The following RSPRY1 variants were observed in gnomAD, a reference collection of about 807,000 sequenced individuals.
The protein encoded by RSPRY1 is ring finger and SPRY domain containing 1.
In RSPRY1, 23 loss-of-function variants were observed where a neutral mutation model predicts 73.1. The observed-to-expected ratio is 0.31, with a 90% confidence interval of 0.23 to 0.45. The LOEUF is 0.45. RSPRY1 is among the 20% of genes least tolerant of loss of function. The pLI is 1.00. For missense variants in RSPRY1, 448 were observed against 698.7 expected, an observed-to-expected ratio of 0.64 and a Z score of 4.05; for synonymous variants, 226 against 251.4, an observed-to-expected ratio of 0.90 and a Z score of 0.95.
rs140339084 is a variant in RSPRY1, at chr16:57,190,361, T to C, written c.-156+3910T>C. On this transcript the variant is annotated intron_variant, in intron 1 of 14. Transcript: ENST00000394420. Reference sequence around the variant, plus strand: ...TGACAGAGCAACACCCTGTCTCAAATAAATAAATAGGAAATGTTCTGTATT... The same window carrying C: ...TGACAGAGCAACACCCTGTCTCAAACAAATAAATAGGAAATGTTCTGTATT... Among the ~76,000 whole-genome samples, 48 of 152,230 alleles carry C rather than the reference T, an allele frequency of 3.2e-4. No homozygotes were observed. In the East Asian group the frequency reaches 8.7e-3, roughly 28 times the overall value.
chr16:57,215,439 G>A (rs2074921903), intron 6 of RSPRY1, among the ~76,000 whole-genome samples: 1 of 152,208 alleles, frequency 6.6e-6, no homozygotes. Context: ...ATCATCTGAT[G>A]TTCTGGAGCT....
intron 14 of RSPRY1, among the ~76,000 whole-genome samples, chr16:57,238,362 G>A (rs1172144315): frequency 6.6e-6 from 1 of 152,170 alleles, no homozygotes; most frequent in Non-Finnish European, 1.5e-5. Context: ...AAGTTAGGGA[G>A]ATGACAACCA....
At position 57,230,556 on chromosome 16, in the gene RSPRY1, G is replaced by T. The variant is rs147170415; in HGVS notation, c.1274-155G>T. On this transcript the variant is annotated intron_variant, in intron 11 of 14. Transcript: ENST00000394420. ...TACATTAAAATATTGGTGTATAGGG[G>T]TCAGATCAGTTACAGAAGAAACAAA... 2.6e-3 allele frequency among the ~76,000 whole-genome samples: 397 copies of T among 152,240 alleles called. 2 individuals are homozygous for T. Among genetic ancestry groups the T allele is most frequent in the African/African-American group, 8.9e-3 (368 of 41,514 alleles).
Position 57,213,078 on chromosome 16 carries a change from G to C in RSPRY1, c.623G>C (p.Cys208Ser), listed in dbSNP as rs1168460250. 6.2e-7 allele frequency: 1 copy of C among 1,612,032 alleles called. No individual in the cohort carries two copies. The change falls in exon 5 of 15, where the codon TGC (cysteine) becomes TCC (serine). Residue 208 changes from cysteine to serine, a missense_variant. By Grantham distance (112) the Cys-to-Ser change is moderately radical. Transcript: ENST00000394420. ...KHRNTSAVLG[C>S]LAEKLAGPAS... ...AGGAACACATCTGCAGTCCTAGGCT[G>C]CTTGGCCGAGAAACTAGCAGGTAAC... is the stretch of plus-strand genomic sequence containing the variant.
chr16:57,187,227 G>A (rs747484457), intron 1 of RSPRY1, among the ~76,000 whole-genome samples: 1 of 152,162 alleles, frequency 6.6e-6, no homozygotes, highest in African/African-American at 2.4e-5. Flanking sequence ...TTGCCCGAGT[G>A]GGGTGGGGAG....
At chr16:57,237,907 T>G (rs990616259) in intron 14 of RSPRY1, among the ~76,000 whole-genome samples, 2 of 152,112 alleles carry the variant, frequency 1.3e-5, no homozygotes, top group East Asian at 3.9e-4. Flanking sequence ...GAGACGGGGT[T>G]TCACCAGCTA....
rs55701001 is a variant in RSPRY1, at chr16:57,202,878, T to TTATATATATATATATATATA, written c.-155-1616_-155-1597dup. Among the ~76,000 whole-genome samples, 362 of 131,412 alleles carry TTATATATATATATATATATA rather than the reference T, an allele frequency of 2.8e-3. 3 individuals are homozygous for TTATATATATATATATATATA. The highest frequency in any genetic ancestry group is 0.015 in the East Asian group (53 of 3,614). 86.2% of individuals were successfully genotyped at this position (131,412 alleles called of 152,430 possible). A position where few individuals can be genotyped will look rare whatever the true frequency, so the allele number is the denominator to read the frequency against. On this transcript the variant is annotated intron_variant, in intron 1 of 14. Coordinates refer to ENST00000394420, the MANE Select transcript of RSPRY1 (RefSeq NM_133368.3). The stretch of plus-strand genomic sequence containing the variant: ...TTTATATATATTTTATTACATATGA[T>TTATATATATATATATATATA]TATATATATATATATATATATATAT...
intron 1 of RSPRY1, among the ~76,000 whole-genome samples, chr16:57,199,952 C>T (rs1340589720): frequency 1.8e-5 from 2 of 112,878 alleles, no homozygotes; most frequent in African/African-American, 7.0e-5. Flanking sequence ...GGGTGTTTCT[C>T]GCAGAGGGGG....
chr16:57,222,629 T>A (rs2075056941), intron 10 of RSPRY1, among the ~76,000 whole-genome samples: 1 of 152,226 alleles, frequency 6.6e-6, no homozygotes, highest in Non-Finnish European at 1.5e-5. Context: ...ATGAGAAAAC[T>A]GAGACAGAGT....
chr16:57,186,279 G>T, upstream of RSPRY1: 1 of 562,378 alleles, frequency 1.8e-6, no homozygotes, highest in Non-Finnish European at 2.3e-6. Flanking sequence ...AGGAAGGGGC[G>T]TTTCCTAGGG....
chr16:57,195,029 C>T (rs1038331804), intron 1 of RSPRY1, among the ~76,000 whole-genome samples: 1 of 151,256 alleles, frequency 6.6e-6, no homozygotes, highest in Admixed American at 6.6e-5. Flanking sequence ...TTCATTTACC[C>T]CCAAGAAAAA....
intron 10 of RSPRY1, 130 bp from the exon 11 acceptor site, chr16:57,227,212 C>T (rs559763827): frequency 1.6e-6 from 1 of 642,646 alleles, no homozygotes; most frequent in Non-Finnish European, 2.8e-6. Context: ...TTCAAAAAAC[C>T]ATGAGCTCTC....
chr16:57,237,702 TTTA>T (rs1597942147), intron 14 of RSPRY1, among the ~76,000 whole-genome samples: 1 of 151,208 alleles, frequency 6.6e-6, no homozygotes, highest in African/African-American at 2.4e-5. Context: ...TATTTATTTA[TTTA>T]TTTTTATTTA....
At chr16:57,214,590 C>G (rs2146294770) in intron 6 of RSPRY1, among the ~76,000 whole-genome samples, 1 of 152,354 alleles carries the variant, frequency 6.6e-6, no homozygotes, top group African/African-American at 2.4e-5. Flanking sequence ...TTACCTTACT[C>G]TCAATGAGCA....
At chr16:57,235,087 T>C in intron 13 of RSPRY1, 37 bp from the exon 14 acceptor site, 1 of 1,497,988 alleles carries the variant, frequency 6.7e-7, no homozygotes, top group Non-Finnish European at 9.3e-7. Context: ...AGGACCCCTG[T>C]TGACAAAATG....
intron 10 of RSPRY1, among the ~76,000 whole-genome samples, chr16:57,224,074 C>T (rs1420989779): frequency 1.3e-5 from 2 of 152,218 alleles, no homozygotes; most frequent in Non-Finnish European, 2.9e-5. Flanking sequence ...ATTTAGAAGC[C>T]TTTCCGGAGC....
At chr16:57,231,894 CTG>C (rs2075227396) in intron 13 of RSPRY1, among the ~76,000 whole-genome samples, 1 of 152,190 alleles carries the variant, frequency 6.6e-6, no homozygotes, top group Non-Finnish European at 1.5e-5. Flanking sequence ...TTGACAAAAA[CTG>C]TGATTGGCAT....
chr16:57,186,588 G>T (rs1173775097), intron 1 of RSPRY1, 137 bp downstream of exon 1: 1 of 153,002 alleles, frequency 6.5e-6, no homozygotes, highest in Non-Finnish European at 1.5e-5. Context: ...TGGGGCCGGG[G>T]TAGGCTCTGG....
chr16:57,212,078 G>A (rs1274671475), intron 4 of RSPRY1, among the ~76,000 whole-genome samples: 1 of 152,164 alleles, frequency 6.6e-6, no homozygotes, highest in Non-Finnish European at 1.5e-5. Context: ...TTTGGGGGCT[G>A]AAGCAGGAGG....
Sources: allele counts gnomAD v4.1 joint callset (sites outside exome capture counted in the v4.1 genomes callset), GRCh38; gene constraint gnomAD v4.1.1; transcripts MANE v1.5; gene names NCBI Gene and HGNC (gene_info 2026-07-23, HGNC 2026-07-21).